Variants in ZIK1 observed in about 807,000 individuals in gnomAD.
ZIK1 encodes zinc finger protein interacting with K protein 1.
In ZIK1, 12 loss-of-function variants were observed where a neutral mutation model predicts 10.7. The ratio of observed to expected loss-of-function variants is 1.12; its 90% CI spans 0.72 to 1.81. ZIK1 has a LOEUF of 1.81. Ranked by LOEUF, ZIK1 falls within the 40% of genes most tolerant of loss-of-function variation. The probability of loss-of-function intolerance (pLI) is 0.00; values close to 1 mark genes in which losing one functional copy is unlikely to be tolerated. For synonymous variants in ZIK1, 190 were observed against 205.0 expected (o/e 0.93, Z 0.63); for missense variants, 497 against 585.7 (o/e 0.85, Z 1.56).
chr19:57,590,406 G>T lies in ZIK1; in HGVS notation c.595G>T (p.Glu199Ter). ...PGGKKPGTIT[E>*]CGEDIRSQKS... ...AGGCAAGAAACCCGGCACAATTACT[G>T]AATGTGGGGAGGACATTCGCAGTCA... is the stretch of plus-strand genomic sequence containing the variant. Residue 199 changes from glutamate (E) to a stop codon, truncating the protein, a stop_gained, in exon 4 of 4, where the codon GAA (glutamate) becomes TAA (stop). Transcript: ENST00000597850. LOFTEE classifies it low-confidence loss of function (END_TRUNC). 6.2e-7 allele frequency: 1 copy of T among 1,614,168 alleles called. No individual in the cohort carries two copies. The highest frequency in any genetic ancestry group is 8.5e-7 in the Non-Finnish European group (1 of 1,180,006).
In ZIK1 at chr19:57,584,301, T is replaced by C; in HGVS notation, c.-56T>C. On this transcript the variant is annotated 5_prime_UTR_variant, in exon 1 of 4. Transcript: ENST00000597850. ...CGGCGGCGGGGTTGACGGCTTTGCC[T>C]AGGTCCCTCCGCCCGTAGCTGTCGG... 1 of 1,550,318 alleles carries C rather than the reference T, an allele frequency of 6.5e-7. No homozygotes were observed. The highest frequency in any genetic ancestry group is 2.4e-5 in the East Asian group (1 of 41,216).
Position 57,585,819 on chromosome 19 carries a change from C to A in ZIK1, c.72+829C>A, listed in dbSNP as rs149301620. ...CACCTCCCGGGTTCAAGCAATCCTCCTGCCTCAGCCTCCTGAGTAGTTGGG... is the reference window on the plus strand; with the variant it reads ...CACCTCCCGGGTTCAAGCAATCCTCATGCCTCAGCCTCCTGAGTAGTTGGG... On this transcript the variant is annotated intron_variant, in intron 2 of 3. Coordinates refer to ENST00000597850, the MANE Select transcript of ZIK1 (RefSeq NM_001010879.4). Among the ~76,000 whole-genome samples the A allele has an allele frequency of 7.1e-3, 1,075 of 152,216 alleles. 16 individuals carry two copies. Among genetic ancestry groups the A allele is most frequent in the African/African-American group, 0.025 (1,022 of 41,514 alleles).
intron 2 of ZIK1, among the ~76,000 whole-genome samples, chr19:57,587,106 G>A (rs1372867515): frequency 2.6e-5 from 4 of 152,162 alleles, no homozygotes; most frequent in Non-Finnish European, 2.9e-5. Flanking sequence ...ATCAAATCTT[G>A]TGAGACTTAT....
In ZIK1 at chr19:57,591,290, C is replaced by T; in HGVS notation, c.*15C>T. ...ATAACACATAGAGGCCTCATGAATG[C>T]AGCAAATGTGGAAGCGCCTTCAACT... On this transcript the variant is annotated 3_prime_UTR_variant, in exon 4 of 4. Transcript: ENST00000597850. 1.9e-6 allele frequency: 3 copies of T among 1,580,816 alleles called. No individual in the cohort carries two copies. The highest frequency in any genetic ancestry group is 2.6e-6 in the Non-Finnish European group (3 of 1,163,796).
chr19:57,585,444 A>C (rs1979059133), intron 2 of ZIK1, among the ~76,000 whole-genome samples: 1 of 152,190 alleles, frequency 6.6e-6, no homozygotes. Context: ...TGTGGGTGTG[A>C]TGGAGGCGAT....
In ZIK1 at chr19:57,590,945, TTA is replaced by T. The variant is rs1260907293; in HGVS notation, c.1136_1137del (p.Tyr379Ter). The T allele has an allele frequency of 6.2e-7, 1 of 1,613,978 alleles. No individual in the cohort carries two copies. The highest frequency in any genetic ancestry group is 1.3e-5 in the African/African-American group (1 of 74,922). ...GAAGAATTCACACTGGAGCAAAGCCTTATGAGTGTGGCCAGTGTGGGAAATCC... is the reference window on the plus strand; with the variant it reads ...GAAGAATTCACACTGGAGCAAAGCCTTGAGTGTGGCCAGTGTGGGAAATCC... ...HRRIHTGAKP[Y>X]ECGQCGKSFS... On this transcript the variant is annotated frameshift_variant, in exon 4 of 4. Transcript: ENST00000597850. LOFTEE classifies it low-confidence loss of function (END_TRUNC).
chr19:57,587,162 G>A (rs1206093986), intron 2 of ZIK1, among the ~76,000 whole-genome samples: 2 of 152,082 alleles, frequency 1.3e-5, no homozygotes, highest in Non-Finnish European at 2.9e-5. Context: ...CCTATGGTTC[G>A]ATTACCTCTC....
In ZIK1 at chr19:57,592,780, T is replaced by C. The variant is rs899056639; in HGVS notation, c.*1505T>C. 6.6e-6 allele frequency: 1 copy of C among 152,216 alleles called. No individual in the cohort carries two copies. The highest frequency in any genetic ancestry group is 1.5e-5 in the Non-Finnish European group (1 of 68,040). 9.4% of individuals were successfully genotyped at this position (152,216 alleles called of 1,614,324 possible). ...ATTGTGAAACATGTTTTACAAACTTTCTTGATGTGTAAGTGACATGCCATA... is the reference window on the plus strand; with the variant it reads ...ATTGTGAAACATGTTTTACAAACTTCCTTGATGTGTAAGTGACATGCCATA... On this transcript the variant is annotated 3_prime_UTR_variant, in exon 4 of 4. Coordinates refer to ENST00000597850, the MANE Select transcript of ZIK1 (RefSeq NM_001010879.4).
Position 57,590,216 on chromosome 19 carries a change from C to A in ZIK1, c.405C>A (p.His135Gln). Residue 135 changes from histidine to glutamine, a missense_variant, in exon 4 of 4, where the codon CAC (histidine) becomes CAA (glutamine). Coordinates refer to ENST00000597850, the MANE Select transcript of ZIK1 (RefSeq NM_001010879.4). ...LVGECTNHHQHQKHHSAKKSL... is the reference protein window; with the variant it reads ...LVGECTNHHQQQKHHSAKKSL... Reference sequence around the variant, plus strand: ...GAGAATGTACAAACCATCACCAGCACCAGAAGCATCACAGTGCAAAGAAAT... The same window carrying A: ...GAGAATGTACAAACCATCACCAGCAACAGAAGCATCACAGTGCAAAGAAAT... 3 of 1,614,184 alleles carry A rather than the reference C, an allele frequency of 1.9e-6. No individual in the cohort carries two copies. Among genetic ancestry groups the A allele is most frequent in the Non-Finnish European group, 2.5e-6 (3 of 1,180,044 alleles).
chr19:57,589,311 T>C, intron 3 of ZIK1: 1 of 985,378 alleles, frequency 1.0e-6, no homozygotes, highest in Non-Finnish European at 1.2e-6. Context: ...GGGCATGATA[T>C]CCGGGCTGTT....
rs1163728815 is a variant in ZIK1, at chr19:57,593,880, T to A, written c.*2605T>A. The A allele has an allele frequency of 6.6e-6, 1 of 151,702 alleles. No individual in the cohort carries two copies. The highest frequency in any genetic ancestry group is 1.5e-5 in the Non-Finnish European group (1 of 67,984). 9.4% of individuals were successfully genotyped at this position (151,702 alleles called of 1,614,324 possible). A position where few individuals can be genotyped will look rare whatever the true frequency, so the allele number is the denominator to read the frequency against. On this transcript the variant is annotated 3_prime_UTR_variant, in exon 4 of 4. Transcript: ENST00000597850. ...ATACTTTTTCATTAATAAATAGACG[T>A]ATAACAAAGACTTATGTTGAAACTT...
intron 3 of ZIK1, chr19:57,589,554 C>G: frequency 1.0e-6 from 1 of 985,384 alleles, no homozygotes; most frequent in African/African-American, 1.7e-5. Context: ...CACATAATGT[C>G]TCATGAAGTA....
chr19:57,585,139 GTAGAC>G, intron 2 of ZIK1, 149 bp downstream of exon 2: 1 of 691,292 alleles, frequency 1.4e-6, no homozygotes, highest in Non-Finnish European at 2.3e-6. Context: ...GTGGTTATTT[GTAGAC>G]GTTCTTATTG....
chr19:57,590,334 G>A lies in ZIK1; in HGVS notation c.523G>A (p.Asp175Asn), dbSNP rs1458621008. 6.2e-7 allele frequency: 1 copy of A among 1,614,170 alleles called. No homozygotes were observed. Among genetic ancestry groups the A allele is most frequent in the Non-Finnish European group, 8.5e-7 (1 of 1,180,026 alleles). ...KPFRKWEVGK[D>N]LPAMLRLLRS... ...CTTTCGCAAATGGGAGGTTGGAAAG[G>A]ACCTTCCAGCCATGTTGCGGCTTCT... Residue 175 changes from aspartate (D) to asparagine (N), a missense_variant, in exon 4 of 4, where the codon GAC becomes AAC. Coordinates refer to ENST00000597850, the MANE Select transcript of ZIK1 (RefSeq NM_001010879.4).
Position 57,591,191 on chromosome 19 carries a change from A to G in ZIK1, c.1380A>G (p.Glu460=). 3 of 1,614,276 alleles carry G rather than the reference A, an allele frequency of 1.9e-6. No individual in the cohort carries two copies. Among genetic ancestry groups the G allele is most frequent in the Middle Eastern group, 1.6e-4 (1 of 6,062 alleles). Residue 460 remains glutamate, a synonymous_variant, in exon 4 of 4, where the codon GAA becomes GAG. Coordinates refer to ENST00000597850, the MANE Select transcript of ZIK1 (RefSeq NM_001010879.4). The stretch of plus-strand genomic sequence containing the variant: ...AACACCAAGTGGTTCACACTGGAGA[A>G]AGGCCTTATGAGTGCAACAAATGTG... ...LIQHQVVHTG[E]RPYECNKCGN...
Position 57,590,373 on chromosome 19 carries a change from T to C in ZIK1, c.562T>C (p.Phe188Leu), listed in dbSNP as rs374096583. ...AMLRLLRSLV[F>L]PGGKKPGTIT... The stretch of plus-strand genomic sequence containing the variant: ...GTTGCGGCTTCTGAGGTCCCTGGTC[T>C]TTCCTGGAGGCAAGAAACCCGGCAC... The change falls in exon 4 of 4, where the codon TTT (phenylalanine) becomes CTT (leucine). Residue 188 changes from phenylalanine (F) to leucine (L), a missense_variant. Transcript: ENST00000597850. 1.4e-5 allele frequency: 22 copies of C among 1,614,080 alleles called. No homozygotes were observed. In the African/African-American group the frequency reaches 2.8e-4, roughly 21 times the overall value.
In ZIK1 at chr19:57,591,128, G is replaced by A; in HGVS notation, c.1317G>A (p.Gln439=). 7 of 1,614,112 alleles carry A rather than the reference G, an allele frequency of 4.3e-6. No individual in the cohort carries two copies. Among genetic ancestry groups the A allele is most frequent in the African/African-American group, 1.3e-5 (1 of 75,010 alleles). The change falls in exon 4 of 4, where the codon CAG becomes CAA. Residue 439 remains glutamine, a synonymous_variant. Transcript: ENST00000597850. Reference sequence around the variant, plus strand: ...GAGCAAGGCCTTATGAGTGTGGCCAGTGTGGAAAGTCCTTTAGCCAAAAGT... The same window carrying A: ...GAGCAAGGCCTTATGAGTGTGGCCAATGTGGAAAGTCCTTTAGCCAAAAGT... ...HTGARPYECG[Q]CGKSFSQKSG...
At position 57,590,425 on chromosome 19, in the gene ZIK1, G is replaced by T. The variant is rs556272973; in HGVS notation, c.614G>T (p.Arg205Leu). ...GTITECGEDI[R>L]SQKSHYKSGE... The stretch of plus-strand genomic sequence containing the variant: ...ATTACTGAATGTGGGGAGGACATTC[G>T]CAGTCAAAAAAGTCATTACAAGTCA... Residue 205 changes from arginine (R) to leucine (L), a missense_variant, in exon 4 of 4, where the codon CGC (arginine) becomes CTC (leucine). By Grantham distance (102) the Arg-to-Leu change is moderately radical. Transcript: ENST00000597850. 7 of 1,613,996 alleles carry T rather than the reference G, an allele frequency of 4.3e-6. No homozygotes were observed. Among genetic ancestry groups the T allele is most frequent in the Non-Finnish European group, 5.9e-6 (7 of 1,179,998 alleles).
chr19:57,589,976 C>T, intron 3 of ZIK1, 35 bp from the exon 4 acceptor site: 3 of 1,595,204 alleles, frequency 1.9e-6, no homozygotes, highest in Non-Finnish European at 1.7e-6. Context: ...TCAGCATAGT[C>T]AATGTATATT....
Sources: gnomAD v4.1 joint callset for allele counts (sites outside exome capture counted in the v4.1 genomes callset) on GRCh38, gnomAD v4.1.1 for gene constraint, MANE v1.5 for transcripts, NCBI Gene and HGNC (gene_info 2026-07-23, HGNC 2026-07-21) for gene names.